The following BAIAP2 variants were observed in gnomAD, a reference collection of about 807,000 sequenced individuals.
BAIAP2 encodes BAR/IMD domain-containing adapter protein 2.
Under a neutral mutation model 63.0 loss-of-function variants are expected in BAIAP2, and 18 were observed. The observed-to-expected ratio is 0.29, with a 90% CI of 0.20 to 0.42. The LOEUF (loss-of-function observed/expected upper bound fraction) is 0.42. Ranked by LOEUF, BAIAP2 falls within the 10% of genes least tolerant of loss-of-function variation. BAIAP2 has a pLI of 1.00. For missense variants in BAIAP2, 610 were observed against 734.3 expected, an observed-to-expected ratio of 0.83 and a Z score of 1.96; for synonymous variants, 386 against 307.6, an observed-to-expected ratio of 1.25 and a Z score of -2.67.
chr17:81,093,931 C>A (rs2057228900), intron 6 of BAIAP2, among the ~76,000 whole-genome samples: 1 of 151,898 alleles, frequency 6.6e-6, no homozygotes, highest in Non-Finnish European at 1.5e-5. Flanking sequence ...GTGGACAACC[C>A]CTCCCCCCCA....
At chr17:81,044,410 C>A (rs1387432897) in intron 1 of BAIAP2, among the ~76,000 whole-genome samples, 1 of 152,228 alleles carries the variant, frequency 6.6e-6, no homozygotes, top group Non-Finnish European at 1.5e-5. Flanking sequence ...ACAGGACGGC[C>A]GTGGCACCTG....
chr17:81,074,343 T>C (rs1568119526), intron 3 of BAIAP2, among the ~76,000 whole-genome samples: 1 of 149,934 alleles, frequency 6.7e-6, no homozygotes, highest in Non-Finnish European at 1.5e-5. Context: ...CGTGTGAGTG[T>C]GCGTGCACTG....
intron 6 of BAIAP2, among the ~76,000 whole-genome samples, chr17:81,088,834 C>A (rs2056192979): frequency 6.6e-6 from 1 of 152,262 alleles, no homozygotes; most frequent in South Asian, 2.1e-4. Flanking sequence ...TCGCTGGGAG[C>A]TGGAGATCGC....
chr17:81,090,779 C>T (rs1254627283), intron 6 of BAIAP2, among the ~76,000 whole-genome samples: 1 of 126,530 alleles, frequency 7.9e-6, no homozygotes, highest in Admixed American at 9.8e-5. Context: ...GGGGTGAGTG[C>T]CATGTGGCTG....
chr17:81,089,911 G>A (rs372752904), intron 6 of BAIAP2, among the ~76,000 whole-genome samples: 19 of 152,258 alleles, frequency 1.2e-4, no homozygotes, highest in East Asian at 7.7e-4. Flanking sequence ...TCTGCCACCC[G>A]GTACAGAGAC....
intron 7 of BAIAP2, among the ~76,000 whole-genome samples, chr17:81,100,297 C>A (rs951353151): frequency 6.6e-6 from 1 of 152,220 alleles, no homozygotes; most frequent in African/African-American, 2.4e-5. Flanking sequence ...TTGCCACCTG[C>A]AACCAGGGAG....
At chr17:81,039,381 C>A (rs907810833) in intron 1 of BAIAP2, among the ~76,000 whole-genome samples, 6 of 152,348 alleles carry the variant, frequency 3.9e-5, no homozygotes, top group African/African-American at 9.6e-5. Context: ...CAGGTGGCGT[C>A]CAGCGTTCGC....
intron 2 of BAIAP2, among the ~76,000 whole-genome samples, chr17:81,054,271 TAGAACTGTGCCCTGGC>T (rs2049112629): frequency 1.3e-5 from 1 of 78,144 alleles, no homozygotes; most frequent in African/African-American, 6.0e-5. Flanking sequence ...CCTGAGCTGG[TAGAACTGTGCCCTGGC>T]CCCAAGGGTG....
intron 7 of BAIAP2, among the ~76,000 whole-genome samples, chr17:81,101,600 C>G (rs1442303430): frequency 6.6e-6 from 1 of 151,878 alleles, no homozygotes; most frequent in African/African-American, 2.4e-5. Flanking sequence ...CTTGTTCCCC[C>G]CACCCACCAC....
intron 6 of BAIAP2, among the ~76,000 whole-genome samples, chr17:81,088,166 C>T (rs546271019): frequency 3.9e-5 from 6 of 152,222 alleles, no homozygotes; most frequent in South Asian, 2.1e-4. Flanking sequence ...TAGCCGCCTC[C>T]GAGCAGGTCA....
At chr17:81,081,261 G>A (rs184721191) in intron 3 of BAIAP2, among the ~76,000 whole-genome samples, 70 of 152,306 alleles carry the variant, frequency 4.6e-4, no homozygotes, top group African/African-American at 1.6e-3. Flanking sequence ...GCCAAAGAAC[G>A]CCGAGAAGCA....
chr17:81,085,839 C>T, intron 5 of BAIAP2, 114 bp downstream of exon 5: 2 of 780,560 alleles, frequency 2.6e-6, no homozygotes, highest in South Asian at 1.6e-5. Context: ...GCTCCCCGTC[C>T]ACATGGGCCC....
intron 3 of BAIAP2, among the ~76,000 whole-genome samples, chr17:81,069,206 T>C (rs569835963): frequency 1.3e-5 from 2 of 152,224 alleles, no homozygotes; most frequent in Non-Finnish European, 2.9e-5. Context: ...GTTTATACAT[T>C]GGAAGCATTT....
chr17:81,067,670 C>T (rs1458326489), intron 3 of BAIAP2, among the ~76,000 whole-genome samples: 3 of 152,220 alleles, frequency 2.0e-5, no homozygotes, highest in Admixed American at 2.0e-4. Flanking sequence ...CAGCAAGAGG[C>T]TCTGAGGCCC....
chr17:81,071,101 T>TTC (rs2052560618), intron 3 of BAIAP2, among the ~76,000 whole-genome samples: 1 of 148,564 alleles, frequency 6.7e-6, no homozygotes, highest in Non-Finnish European at 1.5e-5. Flanking sequence ...AGACATTGAT[T>TTC]TTTTTTTTTT....
At chr17:81,068,659 C>T (rs12945203) in intron 3 of BAIAP2, among the ~76,000 whole-genome samples, 70,510 of 152,118 alleles carry the variant, frequency 0.46, 16,775 homozygotes, top group East Asian at 0.57. Context: ...GTCCCCGCTT[C>T]CCTGCCCTGG....
intron 7 of BAIAP2, among the ~76,000 whole-genome samples, chr17:81,101,386 C>T (rs926025237): frequency 9.2e-5 from 14 of 152,288 alleles, no homozygotes; most frequent in Non-Finnish European, 1.2e-4. Flanking sequence ...GACTCCCCAC[C>T]GGGAACAGGC....
At chr17:81,096,003 C>T (rs1268319467) in intron 6 of BAIAP2, among the ~76,000 whole-genome samples, 3 of 152,158 alleles carry the variant, frequency 2.0e-5, no homozygotes, top group Non-Finnish European at 4.4e-5. Flanking sequence ...GCAACCGGAG[C>T]AGCTCCAGGG....
At position 81,054,943 on chromosome 17, in the gene BAIAP2, AC is replaced by A. The variant is rs578218486; in HGVS notation, c.130+1205del. ...GGGGACTTGCTATTCTTGGACAGTG[AC>A]CCCCGGTCTCCCTGTACCCTCTACC... On this transcript the variant is annotated intron_variant, in intron 2 of 13. Coordinates refer to ENST00000428708, the MANE Select transcript of BAIAP2 (RefSeq NM_001144888.2). Among the ~76,000 whole-genome samples the A allele has an allele frequency of 2.2e-4, 34 of 151,482 alleles. 1 individual carries two copies. The East Asian group carries it at 6.5e-3, about 29-fold the overall frequency.
Sources: allele counts gnomAD v4.1 joint callset (sites outside exome capture counted in the v4.1 genomes callset), GRCh38; gene constraint gnomAD v4.1.1; transcripts MANE v1.5; gene names NCBI Gene and HGNC (gene_info 2026-07-23, HGNC 2026-07-21).